MGMT: variants seen among roughly 807,000 people sequenced by gnomAD.
MGMT encodes the protein methylated-DNA--protein-cysteine methyltransferase.
MGMT carries 14 observed loss-of-function variants against 15.9 expected under a neutral mutation model. That is an observed-to-expected ratio of 0.88 (90% CI 0.58 to 1.37). The LOEUF (loss-of-function observed/expected upper bound fraction) is 1.37. Among genes scored for constraint, MGMT ranks in the 40% most tolerant of loss-of-function variants. MGMT has a pLI of 0.00. For missense variants in MGMT, 282 were observed against 268.1 expected, an observed-to-expected ratio of 1.05 and a Z score of -0.36; for synonymous variants, 130 against 118.2, an observed-to-expected ratio of 1.10 and a Z score of -0.65.
intron 1 of MGMT, among the ~76,000 whole-genome samples, chr10:129,527,078 T>G (rs1293124246): frequency 1.3e-5 from 2 of 152,350 alleles, no homozygotes; most frequent in East Asian, 3.9e-4. Flanking sequence ...GGCCGTGGGC[T>G]TGTGCTTCGC....
intron 2 of MGMT, among the ~76,000 whole-genome samples, chr10:129,661,352 A>T (rs575079028): frequency 1.6e-4 from 24 of 152,246 alleles, no homozygotes; most frequent in African/African-American, 5.8e-4. Context: ...ATGTTCACGG[A>T]TGCAGCCCAG....
At chr10:129,715,696 G>A (rs922514064) in intron 3 of MGMT, 8 of 152,096 alleles carry the variant, frequency 5.3e-5, no homozygotes, top group Admixed American at 2.0e-4. Flanking sequence ...TTTTAATAAC[G>A]TGTGCATAGA....
intron 3 of MGMT, among the ~76,000 whole-genome samples, chr10:129,750,094 T>C (rs553340514): frequency 3.9e-5 from 6 of 152,260 alleles, no homozygotes; most frequent in African/African-American, 1.4e-4. Flanking sequence ...TCAGCATCTT[T>C]TGTAGTAAAG....
intron 2 of MGMT, among the ~76,000 whole-genome samples, chr10:129,543,026 A>G (rs1231373889): frequency 6.6e-6 from 1 of 152,202 alleles, no homozygotes; most frequent in African/African-American, 2.4e-5. Flanking sequence ...TTTCAGGTTG[A>G]TGGCTAAAAA....
chr10:129,527,876 G>A (rs1157158704), intron 1 of MGMT, among the ~76,000 whole-genome samples: 1 of 151,902 alleles, frequency 6.6e-6, no homozygotes, highest in South Asian at 2.1e-4. Context: ...GCTCCTTAAT[G>A]CTCTGTGCTG....
At chr10:129,695,385 T>C (rs1848018468) in intron 2 of MGMT, among the ~76,000 whole-genome samples, 1 of 152,206 alleles carries the variant, frequency 6.6e-6, no homozygotes, top group Non-Finnish European at 1.5e-5. Context: ...TACAAACCAA[T>C]TTACAAGACA....
chr10:129,764,767 G>T (rs1848914366), intron 4 of MGMT, among the ~76,000 whole-genome samples: 1 of 152,204 alleles, frequency 6.6e-6, no homozygotes, highest in Admixed American at 6.5e-5. Flanking sequence ...CCCAACCTTG[G>T]GATCCTGCAG....
At chr10:129,710,471 T>C (rs546282780) in intron 3 of MGMT, among the ~76,000 whole-genome samples, 2 of 152,354 alleles carry the variant, frequency 1.3e-5, no homozygotes, top group East Asian at 3.9e-4. Flanking sequence ...TAGTGGTTGC[T>C]GTGGGGGCTG....
intron 3 of MGMT, among the ~76,000 whole-genome samples, chr10:129,730,061 G>C (rs555193056): frequency 2.9e-4 from 44 of 152,182 alleles, no homozygotes; most frequent in Non-Finnish European, 5.6e-4. Context: ...TACTGGTAAA[G>C]CCAGCACGAC....
At chr10:129,657,988 T>C (rs549177474) in intron 2 of MGMT, among the ~76,000 whole-genome samples, 1 of 152,088 alleles carries the variant, frequency 6.6e-6, no homozygotes, top group African/African-American at 2.4e-5. Context: ...AATGTGGTGT[T>C]GAGATTGGTA....
chr10:129,589,803 C>G (rs950704855), intron 2 of MGMT, among the ~76,000 whole-genome samples: 1 of 152,190 alleles, frequency 6.6e-6, no homozygotes, highest in Non-Finnish European at 1.5e-5. Context: ...ACCTCCAGGG[C>G]GGGCAGTGAA....
Position 129,641,586 on chromosome 10 carries a change from T to G in MGMT, c.126-66309T>G, listed in dbSNP as rs554954754. 2.0e-5 allele frequency among the ~76,000 whole-genome samples: 3 copies of G among 152,346 alleles called. No individual in the cohort carries two copies. In the South Asian group the frequency reaches 6.2e-4, roughly 32 times the overall value. On this transcript the variant is annotated intron_variant, in intron 2 of 4. Coordinates refer to ENST00000651593, the MANE Select transcript of MGMT (RefSeq NM_002412.5). ...TTTCACAGTTTCTTTTAGTTCGTAT[T>G]TCACAAGATAGAAGCTTTACATTTT...
intron 2 of MGMT, among the ~76,000 whole-genome samples, chr10:129,551,340 C>T (rs927457944): frequency 1.3e-5 from 2 of 151,918 alleles, no homozygotes; most frequent in South Asian, 2.1e-4. Context: ...ATTGGACTTT[C>T]GAGAGAAGGT....
intron 2 of MGMT, among the ~76,000 whole-genome samples, chr10:129,691,435 C>T (rs1847968474): frequency 6.6e-6 from 1 of 152,238 alleles, no homozygotes; most frequent in South Asian, 2.1e-4. Context: ...TGTCCTGAAG[C>T]AGCGTGTGCA....
intron 2 of MGMT, among the ~76,000 whole-genome samples, chr10:129,697,099 T>C (rs971802172): frequency 6.6e-6 from 1 of 152,220 alleles, no homozygotes; most frequent in Non-Finnish European, 1.5e-5. Flanking sequence ...GGACACCTAG[T>C]ATCTCTTTCT....
intron 3 of MGMT, among the ~76,000 whole-genome samples, chr10:129,708,674 T>TA (rs1023879922): frequency 3.3e-5 from 5 of 152,252 alleles, no homozygotes; most frequent in Non-Finnish European, 5.9e-5. Context: ...TTACAGCAAC[T>TA]AAAATCATTC....
intron 3 of MGMT, among the ~76,000 whole-genome samples, chr10:129,737,406 A>G (rs1476601486): frequency 6.6e-6 from 1 of 151,958 alleles, no homozygotes; most frequent in African/African-American, 2.4e-5. Context: ...CAGCTCCATC[A>G]GCTCCTTTAA....
intron 2 of MGMT, among the ~76,000 whole-genome samples, chr10:129,669,374 A>G (rs1210660486): frequency 6.6e-6 from 1 of 151,860 alleles, no homozygotes; most frequent in Non-Finnish European, 1.5e-5. Flanking sequence ...GTTGCTTACC[A>G]ATTTTACTCA....
rs1846125291 is a variant in MGMT, at chr10:129,548,841, G to C, written c.125+12464G>C. Among the ~76,000 whole-genome samples the C allele has an allele frequency of 2.0e-5, 3 of 152,316 alleles. No individual in the cohort carries two copies. In the Middle Eastern group the frequency reaches 0.01, roughly 518 times the overall value. On this transcript the variant is annotated intron_variant, in intron 2 of 4. Coordinates refer to ENST00000651593, the MANE Select transcript of MGMT (RefSeq NM_002412.5). ...AGACCAGGCCAGGGGAGGAGGCAGA[G>C]AGCCTGGTCAGGCCAGGCTGGTCCT... is the stretch of plus-strand genomic sequence containing the variant.
Sources: gnomAD v4.1 joint callset for allele counts (sites outside exome capture counted in the v4.1 genomes callset) on GRCh38, gnomAD v4.1.1 for gene constraint, MANE v1.5 for transcripts, NCBI Gene and HGNC (gene_info 2026-07-23, HGNC 2026-07-21) for gene names.